The following NUP160 variants were observed in gnomAD, a reference collection of about 807,000 sequenced individuals.
The protein encoded by NUP160 is nuclear pore complex protein Nup160.
Under a neutral mutation model 196.9 loss-of-function variants are expected in NUP160, and 94 were observed. The ratio of observed to expected loss-of-function variants is 0.48; its 90% CI spans 0.40 to 0.57. The LOEUF is 0.57. NUP160 is among the 20% of genes least tolerant of loss of function. NUP160 has a pLI of 0.00. For synonymous variants in NUP160, 605 were observed against 619.7 expected (o/e 0.98, Z 0.35); for missense variants, 1,638 against 1,748.3 (o/e 0.94, Z 1.13).
chr11:47,786,870 C>A (rs1327324822), intron 31 of NUP160: 1 of 266,316 alleles, frequency 3.8e-6, no homozygotes, highest in Non-Finnish European at 7.5e-6. Context: ...CTCACTGCAA[C>A]CTCTGCCTCC....
chr11:47,792,625 C>T, intron 28 of NUP160, 161 bp downstream of exon 28: 1 of 687,432 alleles, frequency 1.5e-6, no homozygotes, highest in East Asian at 2.8e-5. Flanking sequence ...TAGTAATATA[C>T]AACAATTGAA....
intron 31 of NUP160, among the ~76,000 whole-genome samples, chr11:47,787,759 C>T (rs2097665511): frequency 6.6e-6 from 1 of 151,924 alleles, no homozygotes. Flanking sequence ...GCTCTGTCGC[C>T]CAGGCTGGAG....
At chr11:47,778,940 G>C in exon 36 of NUP160, 1 of 558,080 alleles carries the variant, frequency 1.8e-6, no homozygotes, top group South Asian at 2.3e-5. Context: ...GCAAGCACAG[G>C]GTCCTCTGAC....
chr11:47,792,634 A>C (rs770240321), intron 28 of NUP160, 152 bp downstream of exon 28: 9 of 725,356 alleles, frequency 1.2e-5, no homozygotes, highest in Non-Finnish European at 2.0e-5. Flanking sequence ...ACAACAATTG[A>C]ATTGTAAACA....
At chr11:47,779,073 A>G (rs1565182843) in exon 36 of NUP160, 2 of 1,508,930 alleles carry the variant, frequency 1.3e-6, no homozygotes, top group East Asian at 2.3e-5. Context: ...AAGAGGCACC[A>G]AGCGGTTACA....
chr11:47,795,954 C>A (rs1176515347), intron 27 of NUP160, among the ~76,000 whole-genome samples: 1 of 151,892 alleles, frequency 6.6e-6, no homozygotes, highest in African/African-American at 2.4e-5. Context: ...GAGTTCAAGA[C>A]CAGCCTGACC....
At chr11:47,818,415 A>AT (rs1851781011) in intron 10 of NUP160, among the ~76,000 whole-genome samples, 1 of 152,214 alleles carries the variant, frequency 6.6e-6, no homozygotes, top group Non-Finnish European at 1.5e-5. Context: ...GAAGAAGCAA[A>AT]TCTAATTGGT....
intron 11 of NUP160, among the ~76,000 whole-genome samples, chr11:47,816,976 G>GTT (rs371077064): frequency 0.013 from 1,778 of 136,522 alleles, 13 homozygotes; most frequent in Non-Finnish European, 0.017. Flanking sequence ...AATCCTTTCA[G>GTT]TTTTTTTTTT....
rs1378620564 is a variant in NUP160, at chr11:47,808,593, G to A, written c.2242-64C>T. ...AGCAATTAGTAATGGTAACTCTTAC[G>A]GCTCAGGTGGAGGTAAAATAAAATA... is the stretch of plus-strand genomic sequence containing the variant. On this transcript the variant is annotated intron_variant, in intron 17 of 35. Transcript: ENST00000378460. 19 of 1,338,256 alleles carry A rather than the reference G, an allele frequency of 1.4e-5. No homozygotes were observed. The Middle Eastern group carries it at 7.4e-4, about 52-fold the overall frequency. The allele number at this position is 1,338,256 out of a possible 1,614,324, so 82.9% of individuals were successfully genotyped here.
rs1299227732 is a variant in NUP160, at chr11:47,819,433, C to G, written c.1303G>C (p.Val435Leu). The G allele has an allele frequency of 1.2e-6, 2 of 1,613,012 alleles. No homozygotes were observed. Among genetic ancestry groups the G allele is most frequent in the South Asian group, 2.2e-5 (2 of 91,084 alleles). The change falls in exon 10 of 36, where the codon GTT becomes CTT. Residue 435 changes from valine to leucine, a missense_variant. Coordinates refer to ENST00000378460, the Ensembl canonical transcript of NUP160. The stretch of plus-strand genomic sequence containing the variant: ...TCCTCTGGCAGAGGCTGCATAAAAA[C>G]TGGATTCCACTGACCTGCAACATTA...
intron 33 of NUP160, among the ~76,000 whole-genome samples, chr11:47,784,243 A>C (rs2097663232): frequency 6.6e-6 from 1 of 152,150 alleles, no homozygotes; most frequent in African/African-American, 2.4e-5. Context: ...TAGGATGAGG[A>C]ATCTGTATTT....
At chr11:47,817,959 C>T (rs1851771775) in intron 11 of NUP160, 97 bp downstream of exon 11, 1 of 639,140 alleles carries the variant, frequency 1.6e-6, no homozygotes, top group South Asian at 2.2e-5. Context: ...TACAGAAGTA[C>T]ATTCAGTGTT....
chr11:47,848,131 G>A, intron 1 of NUP160, 88 bp downstream of exon 1: 3 of 1,470,402 alleles, frequency 2.0e-6, no homozygotes, highest in South Asian at 1.1e-5. Context: ...GACTCAGGAG[G>A]ATGAAACAGG....
chr11:47,801,507 G>A (rs1304948407), intron 23 of NUP160, among the ~76,000 whole-genome samples: 1 of 152,012 alleles, frequency 6.6e-6, no homozygotes, highest in Non-Finnish European at 1.5e-5. Context: ...CCGCCACCAC[G>A]CCAGGCTAAT....
chr11:47,793,591 C>T (rs919443361), intron 27 of NUP160, among the ~76,000 whole-genome samples: 1 of 152,066 alleles, frequency 6.6e-6, no homozygotes, highest in Non-Finnish European at 1.5e-5. Flanking sequence ...AGAGATATTT[C>T]TACACCCATG....
intron 7 of NUP160, among the ~76,000 whole-genome samples, chr11:47,830,551 T>C (rs1258505897): frequency 6.6e-6 from 1 of 152,222 alleles, no homozygotes; most frequent in Admixed American, 6.5e-5. Flanking sequence ...ATCATGTCTT[T>C]TGTGGAAACA....
chr11:47,822,382 C>T (rs907934785), intron 7 of NUP160, among the ~76,000 whole-genome samples: 1 of 151,902 alleles, frequency 6.6e-6, no homozygotes, highest in Non-Finnish European at 1.5e-5. Context: ...CTCAGCCTCC[C>T]GAGTAGCTGG....
At chr11:47,800,668 G>A (rs2097673707) in intron 23 of NUP160, among the ~76,000 whole-genome samples, 1 of 152,164 alleles carries the variant, frequency 6.6e-6, no homozygotes, top group Non-Finnish European at 1.5e-5. Context: ...GGGATTACAG[G>A]TGTGAGCCAT....
At chr11:47,846,404 T>C (rs948503925) in intron 2 of NUP160, among the ~76,000 whole-genome samples, 2 of 152,212 alleles carry the variant, frequency 1.3e-5, no homozygotes, top group Non-Finnish European at 2.9e-5. Flanking sequence ...AAATTTACTA[T>C]GTCCAATAGA....
Sources: gnomAD v4.1 joint callset for allele counts (sites outside exome capture counted in the v4.1 genomes callset) on GRCh38, gnomAD v4.1.1 for gene constraint, MANE v1.5 for transcripts, NCBI Gene and HGNC (gene_info 2026-07-23, HGNC 2026-07-21) for gene names.